CADM2: variants seen among roughly 807,000 people sequenced by gnomAD.
The protein encoded by CADM2 is cell adhesion molecule 2, also known as immunoglobulin superfamily member 4D.
CADM2 carries 12 observed loss-of-function variants against 49.8 expected under a neutral mutation model. The observed-to-expected ratio is 0.24, with a 90% CI of 0.15 to 0.39. The LOEUF is 0.39. Ranked by LOEUF, CADM2 falls within the 10% of genes least tolerant of loss-of-function variation. The pLI, the probability that CADM2 is intolerant of heterozygous loss-of-function variation, is 1.00. For synonymous variants in CADM2, 214 were observed against 175.4 expected (o/e 1.22, Z -1.74); for missense variants, 378 against 492.3 (o/e 0.77, Z 2.20).
chr3:85,172,065 A>G (rs1371393897), intron 1 of CADM2, among the ~76,000 whole-genome samples: 1 of 152,244 alleles, frequency 6.6e-6, no homozygotes, highest in East Asian at 1.9e-4. Flanking sequence ...CTAATAAATT[A>G]GTCTCACATT....
intron 1 of CADM2, among the ~76,000 whole-genome samples, chr3:85,178,218 A>G (rs751193929): frequency 2.9e-4 from 44 of 152,096 alleles, no homozygotes; most frequent in Non-Finnish European, 1.2e-4. Context: ...GCATATTTCA[A>G]TGACTCAAAT....
intron 1 of CADM2, among the ~76,000 whole-genome samples, chr3:85,110,740 T>C (rs1575890515): frequency 6.6e-6 from 1 of 151,984 alleles, no homozygotes; most frequent in South Asian, 2.1e-4. Flanking sequence ...GAGTGTGAAT[T>C]ATTTATCTAA....
At chr3:85,385,643 A>T (rs1002501595) in intron 1 of CADM2, 1 of 151,932 alleles carries the variant, frequency 6.6e-6, no homozygotes, top group Non-Finnish European at 1.5e-5. Context: ...TTCAGTGGAG[A>T]GAGAATATAT....
At chr3:86,026,857 A>T (rs1342155430) in intron 8 of CADM2, among the ~76,000 whole-genome samples, 1 of 152,212 alleles carries the variant, frequency 6.6e-6, no homozygotes. Flanking sequence ...TAGACATAAA[A>T]ATTAAGATTT....
intron 2 of CADM2, among the ~76,000 whole-genome samples, chr3:85,768,574 A>G (rs981915643): frequency 2.0e-5 from 3 of 149,270 alleles, no homozygotes; most frequent in Non-Finnish European, 4.4e-5. Flanking sequence ...CACAATAGCA[A>G]TCACTGTTAA....
intron 1 of CADM2, among the ~76,000 whole-genome samples, chr3:85,226,538 G>C (rs1294136493): frequency 6.6e-6 from 1 of 151,460 alleles, no homozygotes; most frequent in East Asian, 1.9e-4. Context: ...TCTGGCTAGT[G>C]GTCTATTTTG....
At chr3:85,686,887 A>T (rs929543689) in intron 1 of CADM2, among the ~76,000 whole-genome samples, 15 of 152,210 alleles carry the variant, frequency 9.9e-5, no homozygotes, top group Non-Finnish European at 8.8e-5. Flanking sequence ...TTGCCTTTTC[A>T]GACAGAACCA....
At chr3:84,968,448 C>CTG (rs1559594443) in intron 1 of CADM2, among the ~76,000 whole-genome samples, 1 of 152,000 alleles carries the variant, frequency 6.6e-6, no homozygotes. Flanking sequence ...AGGGGTCTGG[C>CTG]TGTAAGTTCA....
intron 1 of CADM2, among the ~76,000 whole-genome samples, chr3:85,604,369 C>CACTCCT (rs1439487938): frequency 6.6e-6 from 1 of 151,866 alleles, no homozygotes; most frequent in Non-Finnish European, 1.5e-5. Flanking sequence ...TATCTACCAC[C>CACTCCT]TAATCCTTTG....
chr3:85,147,680 T>C (rs956237244), intron 1 of CADM2, among the ~76,000 whole-genome samples: 3 of 107,388 alleles, frequency 2.8e-5, no homozygotes, highest in African/African-American at 1.1e-4. Context: ...TAGATCAATT[T>C]AGTATTGCAC....
intron 8 of CADM2, among the ~76,000 whole-genome samples, chr3:86,049,502 C>T (rs1328904553): frequency 1.3e-5 from 2 of 151,990 alleles, no homozygotes; most frequent in African/African-American, 2.4e-5. Flanking sequence ...TCTTGATCTC[C>T]TGACCTCCTC....
intron 1 of CADM2, among the ~76,000 whole-genome samples, chr3:85,165,675 T>C (rs2040453372): frequency 6.6e-6 from 1 of 151,570 alleles, no homozygotes; most frequent in Non-Finnish European, 1.5e-5. Context: ...AGACACAGAG[T>C]TTATATATAC....
At chr3:85,914,993 A>G (rs917130646) in intron 6 of CADM2, among the ~76,000 whole-genome samples, 1 of 152,154 alleles carries the variant, frequency 6.6e-6, no homozygotes, top group Non-Finnish European at 1.5e-5. Flanking sequence ...TGGTCATAAG[A>G]TGAACTTGTC....
At chr3:85,471,247 T>C (rs903551561) in intron 1 of CADM2, among the ~76,000 whole-genome samples, 1 of 152,108 alleles carries the variant, frequency 6.6e-6, no homozygotes, top group Non-Finnish European at 1.5e-5. Context: ...TGCCATCTTC[T>C]CCACTTGGTT....
intron 5 of CADM2, among the ~76,000 whole-genome samples, chr3:85,903,246 GA>G (rs1716355068): frequency 6.6e-6 from 1 of 151,064 alleles, no homozygotes; most frequent in Non-Finnish European, 1.5e-5. Context: ...CTTAAGAGAA[GA>G]AAAAAGAAGA....
At chr3:85,548,311 T>G (rs775493164) in intron 1 of CADM2, among the ~76,000 whole-genome samples, 8 of 74,762 alleles carry the variant, frequency 1.1e-4, no homozygotes, top group Non-Finnish European at 2.6e-4. Context: ...TCATTGGGCT[T>G]GAGCTCTGTC....
At chr3:84,977,635 CTTA>C (rs2031905573) in intron 1 of CADM2, among the ~76,000 whole-genome samples, 1 of 152,080 alleles carries the variant, frequency 6.6e-6, no homozygotes, top group South Asian at 2.1e-4. Flanking sequence ...AGATACTCCT[CTTA>C]TTATAGCTTT....
At chr3:85,759,812 G>A (rs149736477) in intron 2 of CADM2, among the ~76,000 whole-genome samples, 8 of 152,144 alleles carry the variant, frequency 5.3e-5, no homozygotes, top group South Asian at 2.1e-4. Context: ...GGGACATTAC[G>A]TTGTGTCCTT....
chr3:85,526,582 T>C (rs2061163419), intron 1 of CADM2, among the ~76,000 whole-genome samples: 1 of 152,162 alleles, frequency 6.6e-6, no homozygotes, highest in Non-Finnish European at 1.5e-5. Context: ...TCTGAACAAA[T>C]AATACAGCCC....
Sources: allele counts gnomAD v4.1 joint callset (sites outside exome capture counted in the v4.1 genomes callset), GRCh38; gene constraint gnomAD v4.1.1; transcripts MANE v1.5; gene names NCBI Gene and HGNC (gene_info 2026-07-23, HGNC 2026-07-21).